The following IL24 variants were observed in gnomAD, a reference collection of about 807,000 sequenced individuals.
The protein encoded by IL24 is interleukin-24.
A neutral mutation model predicts 27.6 loss-of-function variants in IL24; 24 were observed. That is an observed-to-expected ratio of 0.87 (90% CI 0.63 to 1.22). The LOEUF is 1.22. Ranked by LOEUF, IL24 falls within the 50% of genes most tolerant of loss-of-function variation. The pLI, the probability that IL24 is intolerant of heterozygous loss-of-function variation, is 0.00. For synonymous variants in IL24, 99 were observed against 93.1 expected, an observed-to-expected ratio of 1.06 and a Z score of -0.36; for missense variants, 240 against 237.0, an observed-to-expected ratio of 1.01 and a Z score of -0.08.
rs942228941 is a variant in IL24 at position 206,903,180 on chromosome 1, T to C, written c.*121T>C. The stretch of plus-strand genomic sequence containing the variant: ...CGCCCTTGGCCATGGGTCCCATTCT[T>C]GGCCCAGGATTATTGTCAAAGAAGT... On this transcript the variant is annotated 3_prime_UTR_variant, in exon 7 of 7. Coordinates refer to ENST00000294984, the MANE Select transcript of IL24 (RefSeq NM_006850.3). 3.7e-6 allele frequency: 3 copies of C among 810,310 alleles called. No homozygotes were observed. Among genetic ancestry groups the C allele is most frequent in the African/African-American group, 3.4e-5 (2 of 58,750 alleles). 50.2% of individuals were successfully genotyped at this position (810,310 alleles called of 1,614,324 possible). A position where few individuals can be genotyped will look rare whatever the true frequency, so the allele number is the denominator to read the frequency against.
At position 206,902,057 on chromosome 1, in the gene IL24, G is replaced by GAGAGCATTCAAACAGGTAAGGCCA; in HGVS notation, c.528_537+14dup. 1 of 1,614,034 alleles carries GAGAGCATTCAAACAGGTAAGGCCA rather than the reference G, an allele frequency of 6.2e-7. No individual in the cohort carries two copies. The highest frequency in any genetic ancestry group is 8.5e-7 in the Non-Finnish European group (1 of 1,180,024). Reference sequence around the variant, plus strand: ...CACACAGGCGGTTTCTGCTATTCCGGAGAGCATTCAAACAGGTAAGGCCAA... The same window carrying GAGAGCATTCAAACAGGTAAGGCCA: ...CACACAGGCGGTTTCTGCTATTCCGGAGAGCATTCAAACAGGTAAGGCCAAGAGCATTCAAACAGGTAAGGCCAA... On this transcript the variant is annotated inframe_insertion, in exon 6 of 7. Transcript: ENST00000294984.
chr1:206,903,031 C>A lies in IL24; in HGVS notation c.593C>A (p.Thr198Asn). Reference protein sequence around the residue: ...KALGEVDILLTWMQKFYKL With the variant: ...KALGEVDILLNWMQKFYKL ...CTTGGGGAAGTGGACATTCTTCTGA[C>A]CTGGATGCAGAAATTCTACAAGCTC... Residue 198 changes from threonine to asparagine, a missense_variant, in exon 7 of 7, where the codon ACC becomes AAC. Physicochemically the swap from Thr to Asn is moderately conservative, Grantham distance 65 (BLOSUM62 0). Transcript: ENST00000294984. The A allele has an allele frequency of 6.2e-7, 1 of 1,614,168 alleles. No individual in the cohort carries two copies. The highest frequency in any genetic ancestry group is 8.5e-7 in the Non-Finnish European group (1 of 1,180,000).
At chr1:206,902,797 A>C (rs1678447269) in intron 6 of IL24, 179 bp from the exon 7 acceptor site, 2 of 985,264 alleles carry the variant, frequency 2.0e-6, no homozygotes, top group African/African-American at 3.5e-5. Context: ...TCACCCCTGA[A>C]GCAGATAAAC....
At chr1:206,901,459 G>C in intron 4 of IL24, 35 bp from the exon 5 acceptor site, 2 of 1,588,860 alleles carry the variant, frequency 1.3e-6, no homozygotes, top group African/African-American at 1.3e-5. Context: ...GGTGGGCAGA[G>C]GCCTTGGCTC....
intron 4 of IL24, 55 bp downstream of exon 4, chr1:206,900,412 A>T: frequency 6.7e-7 from 1 of 1,498,726 alleles, no homozygotes; most frequent in Non-Finnish European, 9.3e-7. Context: ...TGTGGGTGGG[A>T]GTGCAAGGCT....
rs114904491 is a variant in IL24, at chr1:206,902,063, A to G, written c.528A>G (p.Ala176=). 7 of 1,614,100 alleles carry G rather than the reference A, an allele frequency of 4.3e-6. No individual in the cohort carries two copies. The African/African-American group carries it at 5.3e-5, about 12-fold the overall frequency. The part of the protein sequence containing the change: ...AHRRFLLFRR[A]FKQLDVEAAL... ...GGCGGTTTCTGCTATTCCGGAGAGC[A>G]TTCAAACAGGTAAGGCCAAGAGCTG... Residue 176 remains alanine, a synonymous_variant, in exon 6 of 7, where the codon GCA becomes GCG. Coordinates refer to ENST00000294984, the MANE Select transcript of IL24 (RefSeq NM_006850.3).
intron 4 of IL24, 87 bp from the exon 5 acceptor site, chr1:206,901,407 C>T: frequency 6.9e-7 from 1 of 1,439,866 alleles, no homozygotes; most frequent in East Asian, 2.4e-5. Context: ...CTGTGCTTAT[C>T]TTGCCTTGGG....
Position 206,903,484 on chromosome 1 carries a change from G to T in IL24, c.*425G>T. 1 of 163,264 alleles carries T rather than the reference G, an allele frequency of 6.1e-6. No homozygotes were observed. Among genetic ancestry groups the T allele is most frequent in the Non-Finnish European group, 1.3e-5 (1 of 74,240 alleles). The allele number at this position is 163,264 out of a possible 1,614,324, so 10.1% of individuals were successfully genotyped here. A position where few individuals can be genotyped will look rare whatever the true frequency, so the allele number is the denominator to read the frequency against. Reference sequence around the variant, plus strand: ...GTGGTGCTTTTTTTGGCCTGTCTTTGGATTGTTAAAAAACAGAGAGGGATG... The same window carrying T: ...GTGGTGCTTTTTTTGGCCTGTCTTTTGATTGTTAAAAAACAGAGAGGGATG... On this transcript the variant is annotated 3_prime_UTR_variant, in exon 7 of 7. Transcript: ENST00000294984.
intron 2 of IL24, among the ~76,000 whole-genome samples, chr1:206,898,275 G>T (rs1678237435): frequency 6.6e-6 from 1 of 152,012 alleles, no homozygotes; most frequent in Non-Finnish European, 1.5e-5. Context: ...TAACCCAGGG[G>T]TCGCCGCCTC....
At chr1:206,902,227 T>C (rs1423681518) in intron 6 of IL24, 155 bp downstream of exon 6, 1 of 985,294 alleles carries the variant, frequency 1.0e-6, no homozygotes, top group Non-Finnish European at 1.2e-6. Context: ...CACAGTTATA[T>C]TTGCAGAAGC....
At chr1:206,899,245 C>T (rs1047417445) in intron 2 of IL24, 75 bp from the exon 3 acceptor site, 19 of 1,471,016 alleles carry the variant, frequency 1.3e-5, no homozygotes, top group Admixed American at 9.3e-5. Context: ...GGGAGACCCT[C>T]GGAGCATTTT....
intron 6 of IL24, 79 bp downstream of exon 6, chr1:206,902,151 C>T (rs1678416787): frequency 5.0e-6 from 8 of 1,587,994 alleles, no homozygotes; most frequent in Non-Finnish European, 6.0e-6. Flanking sequence ...CCTCAGAGAC[C>T]CAATGCAGAA....
At position 206,898,419 on chromosome 1, in the gene IL24, G is replaced by A. The variant is rs575578848; in HGVS notation, c.44+543G>A. 1.4e-3 allele frequency among the ~76,000 whole-genome samples: 207 copies of A among 151,624 alleles called. 1 individual carries two copies. Among genetic ancestry groups the A allele is most frequent in the East Asian group, 2.3e-3 (12 of 5,110 alleles). On this transcript the variant is annotated intron_variant, in intron 2 of 6. Coordinates refer to ENST00000294984, the MANE Select transcript of IL24 (RefSeq NM_006850.3). ...CTTAAATGATTGTGTAAAGAAGTAC[G>A]AAAGAAAGGGAGAAAGTAAGAAAGG...
At chr1:206,901,220 C>A (rs897939341) in intron 4 of IL24, among the ~76,000 whole-genome samples, 1 of 152,154 alleles carries the variant, frequency 6.6e-6, no homozygotes, top group Non-Finnish European at 1.5e-5. Flanking sequence ...GATGGGCAGT[C>A]AGGAATCCTG....
rs1488166029 is a variant in IL24 at position 206,900,985 on chromosome 1, A to ACTGAGCC, written c.304-497_304-491dup. On this transcript the variant is annotated intron_variant, in intron 4 of 6. Transcript: ENST00000294984. Reference sequence around the variant, plus strand: ...TCATCCATCTAGTGGGCACAAACCTACTGAGCCCTGAGCCCTGAAAGATGT... The same window carrying ACTGAGCC: ...TCATCCATCTAGTGGGCACAAACCTACTGAGCCCTGAGCCCTGAGCCCTGAAAGATGT... 4.6e-5 allele frequency among the ~76,000 whole-genome samples: 7 copies of ACTGAGCC among 152,246 alleles called. No homozygotes were observed. In the South Asian group the frequency reaches 1.0e-3, roughly 23 times the overall value.
chr1:206,903,236 G>A lies in IL24; in HGVS notation c.*177G>A, dbSNP rs1558642846. ...TTTAAGCAGCGCCAGTGACAGTCAG[G>A]GAAGGTGCCTCTGGATGCTGTGAAG... On this transcript the variant is annotated 3_prime_UTR_variant, in exon 7 of 7. Coordinates refer to ENST00000294984, the MANE Select transcript of IL24 (RefSeq NM_006850.3). The A allele has an allele frequency of 1.0e-5, 6 of 593,764 alleles. No individual in the cohort carries two copies. The highest frequency in any genetic ancestry group is 5.9e-5 in the Admixed American group (2 of 34,180). 36.8% of individuals were successfully genotyped at this position (593,764 alleles called of 1,614,324 possible).
Position 206,899,455 on chromosome 1 carries a change from A to G in IL24, c.180A>G (p.Gln60=). The G allele has an allele frequency of 1.9e-6, 3 of 1,613,938 alleles. 1 individual carries two copies. The highest frequency in any genetic ancestry group is 3.3e-4 in the Middle Eastern group (2 of 6,058). ...QGQEFHFGPC[Q]VKGVVPQKLW... is the part of the protein sequence containing the mutation. ...AAGAATTCCACTTTGGGCCCTGCCA[A>G]GTGAAGGGGGTTGTTCCCCAGAAAC... The change falls in exon 3 of 7, where the codon CAA becomes CAG. Residue 60 remains glutamine, a synonymous_variant. Transcript: ENST00000294984.
At chr1:206,901,751 G>C in intron 5 of IL24, 99 bp downstream of exon 5, 1 of 1,045,536 alleles carries the variant, frequency 9.6e-7, no homozygotes, top group Admixed American at 2.3e-5. Flanking sequence ...CCACCTCCCT[G>C]GGCTTCAGTT....
intron 5 of IL24, 111 bp downstream of exon 5, chr1:206,901,763 G>A (rs1678392704): frequency 1.0e-6 from 1 of 964,092 alleles, no homozygotes; most frequent in Non-Finnish European, 1.6e-6. Context: ...GCTTCAGTTT[G>A]TTATCTGTAA....
Sources: gnomAD v4.1 joint callset for allele counts (sites outside exome capture counted in the v4.1 genomes callset) on GRCh38, gnomAD v4.1.1 for gene constraint, MANE v1.5 for transcripts, NCBI Gene and HGNC (gene_info 2026-07-23, HGNC 2026-07-21) for gene names.